The following HDAC9 variants were observed in gnomAD, a reference collection of about 807,000 sequenced individuals.
The protein encoded by HDAC9 is histone deacetylase 9.
In HDAC9, 41 loss-of-function variants were observed where a neutral mutation model predicts 139.4. That is an observed-to-expected ratio of 0.29 (90% CI 0.23 to 0.38). The LOEUF (loss-of-function observed/expected upper bound fraction) is 0.38, where lower values mean the gene tolerates loss of function less well. Ranked by LOEUF, HDAC9 falls within the 10% of genes least tolerant of loss-of-function variation. The probability of loss-of-function intolerance (pLI) is 1.00; values close to 1 mark genes in which losing one functional copy is unlikely to be tolerated. For synonymous variants in HDAC9, 517 were observed against 476.2 expected (o/e 1.09, Z -1.12); for missense variants, 1,147 against 1,297.0 (o/e 0.88, Z 1.78).
At chr7:18,943,762 C>T (rs956853621) in intron 23 of HDAC9, among the ~76,000 whole-genome samples, 7 of 152,064 alleles carry the variant, frequency 4.6e-5, no homozygotes, top group Admixed American at 2.6e-4. Context: ...CATGACTGTT[C>T]CCTTTACCTC....
intron 2 of HDAC9, among the ~76,000 whole-genome samples, chr7:18,246,307 A>C (rs911946514): frequency 7.3e-5 from 11 of 151,452 alleles, no homozygotes; most frequent in African/African-American, 2.4e-4. Context: ...TGGGCAGAGG[A>C]AACAGCTACA....
intron 1 of HDAC9, chr7:18,151,630 T>C (rs1786788595): frequency 6.6e-6 from 1 of 152,200 alleles, no homozygotes; most frequent in Non-Finnish European, 1.5e-5. Flanking sequence ...CAGAGTTCCC[T>C]CTTCTGGCAG....
chr7:18,288,980 C>G (rs1373849150), upstream of HDAC9, among the ~76,000 whole-genome samples: 1 of 152,150 alleles, frequency 6.6e-6, no homozygotes, highest in Non-Finnish European at 1.5e-5. Context: ...AAAGTTCTCT[C>G]CCTTTCTTTT....
At chr7:18,162,188 AT>A (rs1176589818) in intron 1 of HDAC9, 11 of 721,024 alleles carry the variant, frequency 1.5e-5, no homozygotes, top group Non-Finnish European at 2.3e-5. Context: ...GTGACTTGAT[AT>A]AGCTTGTATC....
At chr7:18,701,417 A>AAC (rs1783475885) in intron 12 of HDAC9, among the ~76,000 whole-genome samples, 2 of 81,322 alleles carry the variant, frequency 2.5e-5, no homozygotes, top group African/African-American at 1.5e-4. Flanking sequence ...CAAAACAAAC[A>AAC]AAAAAAAAAA....
intron 22 of HDAC9, among the ~76,000 whole-genome samples, chr7:18,922,906 A>G (rs1032822605): frequency 6.6e-6 from 1 of 152,092 alleles, no homozygotes; most frequent in East Asian, 1.9e-4. Context: ...ATGTCTAGAG[A>G]GGGTTTAAGC....
At chr7:18,962,851 G>T (rs1783614895) in intron 24 of HDAC9, among the ~76,000 whole-genome samples, 1 of 152,134 alleles carries the variant, frequency 6.6e-6, no homozygotes, top group East Asian at 1.9e-4. Context: ...TTTTGTTCAT[G>T]AATAACTTGA....
intron 22 of HDAC9, among the ~76,000 whole-genome samples, chr7:18,905,434 A>G (rs1443473314): frequency 1.3e-5 from 2 of 152,192 alleles, no homozygotes; most frequent in Admixed American, 1.3e-4. Flanking sequence ...CCATTTTTCT[A>G]CTTAAGATTG....
chr7:18,808,634 G>A (rs1203832240), intron 17 of HDAC9, among the ~76,000 whole-genome samples: 2 of 151,958 alleles, frequency 1.3e-5, no homozygotes, highest in Non-Finnish European at 2.9e-5. Flanking sequence ...AAACATTGAT[G>A]GGAGAAATTT....
At chr7:18,441,414 A>G (rs1791745621) in intron 1 of HDAC9, among the ~76,000 whole-genome samples, 1 of 152,198 alleles carries the variant, frequency 6.6e-6, no homozygotes, top group Admixed American at 6.5e-5. Flanking sequence ...AAAAATGTTA[A>G]ATGTTTAAAT....
chr7:18,894,364 C>CATGAGGGGGAGCCAG (rs1554395566), intron 22 of HDAC9, among the ~76,000 whole-genome samples: 1 of 152,026 alleles, frequency 6.6e-6, no homozygotes, highest in African/African-American at 2.4e-5. Flanking sequence ...CATATGAAGC[C>CATGAGGGGGAGCCAG]TGATTGATTT....
chr7:18,565,741 T>C (rs112310690), intron 2 of HDAC9, among the ~76,000 whole-genome samples: 10 of 152,310 alleles, frequency 6.6e-5, no homozygotes, highest in African/African-American at 1.9e-4. Flanking sequence ...GGTGATGTTG[T>C]TTTAATTTTA....
intron 1 of HDAC9, among the ~76,000 whole-genome samples, chr7:18,363,861 G>A (rs528084590): frequency 6.6e-6 from 1 of 152,174 alleles, no homozygotes; most frequent in East Asian, 1.9e-4. Context: ...TGCATTGAAA[G>A]GATACTGACT....
At chr7:18,967,507 A>C (rs10250432) in intron 24 of HDAC9, among the ~76,000 whole-genome samples, 29,897 of 97,448 alleles carry the variant, frequency 0.31, 4,636 homozygotes, top group East Asian at 0.61. Flanking sequence ...CCCCCCCCCC[A>C]AAAAAAAAAA....
At chr7:18,936,328 AC>A (rs1170722746) in intron 23 of HDAC9, among the ~76,000 whole-genome samples, 1 of 152,214 alleles carries the variant, frequency 6.6e-6, no homozygotes, top group African/African-American at 2.4e-5. Context: ...TATTTTTGTC[AC>A]CATTTAAGAA....
intron 25 of HDAC9, among the ~76,000 whole-genome samples, chr7:18,985,846 T>C (rs565681854): frequency 3.9e-4 from 46 of 118,656 alleles, no homozygotes; most frequent in Non-Finnish European, 7.2e-4. Flanking sequence ...TTTCATGTGT[T>C]TTTTGGCTGC....
chr7:18,453,192 A>G (rs12667479), intron 1 of HDAC9, among the ~76,000 whole-genome samples: 4,197 of 152,210 alleles, frequency 0.028, 49 homozygotes, highest in Middle Eastern at 0.044. Context: ...GGAATGTGCT[A>G]TTTATCTTTT....
intron 23 of HDAC9, 107 bp downstream of exon 23, chr7:18,936,049 C>A: frequency 9.7e-7 from 1 of 1,034,886 alleles, no homozygotes; most frequent in Non-Finnish European, 1.4e-6. Context: ...CTTAACATTG[C>A]TCTTACCATT....
chr7:18,545,944 AT>A (rs1300808267), intron 2 of HDAC9, among the ~76,000 whole-genome samples: 1 of 152,186 alleles, frequency 6.6e-6, no homozygotes, highest in Non-Finnish European at 1.5e-5. Flanking sequence ...CTAGACTAAA[AT>A]TTCTTGAGTT....
Sources: gnomAD v4.1 joint callset for allele counts (sites outside exome capture counted in the v4.1 genomes callset) on GRCh38, gnomAD v4.1.1 for gene constraint, MANE v1.5 for transcripts, NCBI Gene and HGNC (gene_info 2026-07-23, HGNC 2026-07-21) for gene names.